The following FARP1 variants were observed in gnomAD, a reference collection of about 807,000 sequenced individuals.
The protein encoded by FARP1 is FERM, ARH/RhoGEF and pleckstrin domain protein 1, also known as FERM, ARHGEF and pleckstrin domain-containing protein 1.
Under a neutral mutation model 128.8 loss-of-function variants are expected in FARP1, and 52 were observed. The observed-to-expected ratio is 0.40, with a 90% confidence interval of 0.32 to 0.51. The LOEUF is 0.51. Ranked by LOEUF, FARP1 falls within the 20% of genes least tolerant of loss-of-function variation. The probability of loss-of-function intolerance (pLI) is 0.45; values close to 1 mark genes in which losing one functional copy is unlikely to be tolerated. For synonymous variants in FARP1, 580 were observed against 551.8 expected (o/e 1.05, Z -0.72); for missense variants, 1,333 against 1,367.9 (o/e 0.97, Z 0.40).
intron 2 of FARP1, among the ~76,000 whole-genome samples, chr13:98,255,432 C>T (rs974097123): frequency 2.6e-5 from 4 of 151,846 alleles, no homozygotes; most frequent in Admixed American, 6.6e-5. Context: ...ACCCAGGACG[C>T]GAAGCTTGCA....
At chr13:98,231,229 G>A (rs1882095046) in intron 2 of FARP1, among the ~76,000 whole-genome samples, 2 of 152,162 alleles carry the variant, frequency 1.3e-5, no homozygotes, top group South Asian at 4.1e-4. Flanking sequence ...TACTGCTTCG[G>A]CCAAGCTGAT....
intron 2 of FARP1, chr13:98,328,733 A>C (rs570235951): frequency 6.6e-6 from 1 of 152,216 alleles, no homozygotes; most frequent in Non-Finnish European, 1.5e-5. Flanking sequence ...AGACTTGAAC[A>C]CAAGCACTGC....
At position 98,230,357 on chromosome 13, in the gene FARP1, T is replaced by C. The variant is rs568780341; in HGVS notation, c.171+16944T>C. On this transcript the variant is annotated intron_variant, in intron 2 of 26. Transcript: ENST00000319562. The stretch of plus-strand genomic sequence containing the variant: ...ACCCCAGTGCAATCTATGTTTATTG[T>C]AGCAAATTGAGAAAATGCATAAATG... Among the ~76,000 whole-genome samples, 91 of 152,356 alleles carry C rather than the reference T, an allele frequency of 6.0e-4. No individual in the cohort carries two copies. In the Middle Eastern group the frequency reaches 0.01, roughly 17 times the overall value.
At chr13:98,217,518 G>A (rs969165225) in intron 2 of FARP1, among the ~76,000 whole-genome samples, 6 of 152,140 alleles carry the variant, frequency 3.9e-5, no homozygotes, top group Non-Finnish European at 7.4e-5. Flanking sequence ...TGCTGTACTC[G>A]AGCTTTTGTA....
At chr13:98,350,075 C>T (rs1443823448) in intron 3 of FARP1, among the ~76,000 whole-genome samples, 3 of 152,232 alleles carry the variant, frequency 2.0e-5, no homozygotes, top group South Asian at 2.1e-4. Context: ...CGAGGACAGC[C>T]TGCAGCTGTG....
chr13:98,278,527 CAG>C (rs1198928331), intron 2 of FARP1, among the ~76,000 whole-genome samples: 1 of 152,038 alleles, frequency 6.6e-6, no homozygotes, highest in East Asian at 1.9e-4. Context: ...GGTTGAGATC[CAG>C]AGCTGTGTCT....
chr13:98,369,097 A>G (rs1437710315), intron 5 of FARP1, among the ~76,000 whole-genome samples: 1 of 151,672 alleles, frequency 6.6e-6, no homozygotes, highest in African/African-American at 2.4e-5. Context: ...AGCTAATTTT[A>G]TATTTTTAGT....
intron 2 of FARP1, among the ~76,000 whole-genome samples, chr13:98,315,352 G>A (rs1886674312): frequency 6.6e-6 from 1 of 152,100 alleles, no homozygotes; most frequent in Admixed American, 6.6e-5. Flanking sequence ...GCAATGCCCC[G>A]CCTCTGCCTC....
intron 1 of FARP1, among the ~76,000 whole-genome samples, chr13:98,162,721 T>C (rs921849954): frequency 6.6e-6 from 1 of 152,104 alleles, no homozygotes; most frequent in Non-Finnish European, 1.5e-5. Flanking sequence ...CCAGGCCTGT[T>C]AGTCTCTGGT....
At chr13:98,237,984 A>G (rs1197175270) in intron 2 of FARP1, among the ~76,000 whole-genome samples, 1 of 147,996 alleles carries the variant, frequency 6.8e-6, no homozygotes, top group Non-Finnish European at 1.5e-5. Flanking sequence ...AGTCATACCT[A>G]TAGACTCTAA....
chr13:98,170,846 C>G (rs1007121106), intron 1 of FARP1, among the ~76,000 whole-genome samples: 3 of 152,150 alleles, frequency 2.0e-5, no homozygotes, highest in African/African-American at 7.2e-5. Context: ...ATGTGACTTT[C>G]ATTTTGCAGG....
At chr13:98,315,865 G>C (rs574185942) in intron 2 of FARP1, among the ~76,000 whole-genome samples, 254 of 152,280 alleles carry the variant, frequency 1.7e-3, no homozygotes, top group African/African-American at 5.8e-3. Context: ...TTACAATTGT[G>C]ATCCTCAAAT....
intron 2 of FARP1, among the ~76,000 whole-genome samples, chr13:98,258,308 A>G (rs1706385530): frequency 6.6e-6 from 1 of 152,180 alleles, no homozygotes. Flanking sequence ...ACTTAAAGAA[A>G]AAACATAAAT....
intron 2 of FARP1, among the ~76,000 whole-genome samples, chr13:98,264,025 G>T (rs1282409148): frequency 6.6e-6 from 1 of 152,146 alleles, no homozygotes; most frequent in Non-Finnish European, 1.5e-5. Flanking sequence ...CATTCATTGA[G>T]CCCCAAGCAC....
intron 2 of FARP1, among the ~76,000 whole-genome samples, chr13:98,216,269 G>C (rs9584772): frequency 0.024 from 3,713 of 152,294 alleles, 139 homozygotes; most frequent in African/African-American, 0.083. Context: ...TGAAAGGCAT[G>C]GGGGCTGGCT....
chr13:98,159,529 T>C (rs965425096), intron 1 of FARP1: 6 of 150,536 alleles, frequency 4.0e-5, no homozygotes, highest in African/African-American at 1.5e-4. Context: ...TGGAGTGCAA[T>C]GGCGTGATCT....
At chr13:98,374,448 TAAAA>T (rs1466219206) in intron 5 of FARP1, among the ~76,000 whole-genome samples, 1 of 151,678 alleles carries the variant, frequency 6.6e-6, no homozygotes, top group Non-Finnish European at 1.5e-5. Flanking sequence ...ATCAATCAAT[TAAAA>T]AAAACAGATC....
intron 11 of FARP1, among the ~76,000 whole-genome samples, chr13:98,393,085 A>G (rs981472870): frequency 2.6e-5 from 4 of 152,214 alleles, no homozygotes; most frequent in Admixed American, 1.3e-4. Context: ...GGGAATAGGC[A>G]GACTGAGAGG....
intron 1 of FARP1, among the ~76,000 whole-genome samples, chr13:98,160,956 G>C (rs1876841276): frequency 6.6e-6 from 1 of 152,110 alleles, no homozygotes; most frequent in South Asian, 2.1e-4. Context: ...GGGAGTACAG[G>C]AGTGAGCCAC....
Sources: allele counts gnomAD v4.1 joint callset (sites outside exome capture counted in the v4.1 genomes callset), GRCh38; gene constraint gnomAD v4.1.1; transcripts MANE v1.5; gene names NCBI Gene and HGNC (gene_info 2026-07-23, HGNC 2026-07-21).